Variants in SHISA9 observed in about 807,000 individuals in gnomAD.
The protein encoded by SHISA9 is shisa family member 9, also known as protein shisa-9.
In SHISA9, 13 loss-of-function variants were observed where a neutral mutation model predicts 38.0. The ratio of observed to expected loss-of-function variants is 0.34; its 90% CI spans 0.22 to 0.54. The LOEUF is 0.54. Among genes scored for constraint, SHISA9 ranks in the 20% least tolerant of loss-of-function variants. The probability of loss-of-function intolerance (pLI) is 0.91; values close to 1 mark genes in which losing one functional copy is unlikely to be tolerated. For missense variants in SHISA9, 538 were observed against 575.8 expected, an observed-to-expected ratio of 0.93 and a Z score of 0.67; for synonymous variants, 275 against 242.0, an observed-to-expected ratio of 1.14 and a Z score of -1.27.
At chr16:12,982,602 A>G (rs773315228) in intron 2 of SHISA9, among the ~76,000 whole-genome samples, 1 of 152,080 alleles carries the variant, frequency 6.6e-6, no homozygotes. Context: ...GGTCAGGCCA[A>G]CTCATCATTC....
chr16:13,285,818 A>T, the SHISA9 span, among the ~76,000 whole-genome samples: 1 of 152,106 alleles, frequency 6.6e-6, no homozygotes, highest in African/African-American at 2.4e-5. Context: ...CAATCTCTTC[A>T]GGCTGATTTT....
intron 2 of SHISA9, among the ~76,000 whole-genome samples, chr16:13,161,304 C>A (rs777181304): frequency 3.3e-5 from 5 of 152,094 alleles, no homozygotes; most frequent in Admixed American, 6.6e-5. Context: ...ATCTTTCCCC[C>A]CTGCTTGGGT....
At chr16:13,425,159 C>T in the SHISA9 span, among the ~76,000 whole-genome samples, 3 of 152,196 alleles carry the variant, frequency 2.0e-5, no homozygotes, top group Non-Finnish European at 4.4e-5. Context: ...AATTGGTATA[C>T]ATGGGCATAA....
the SHISA9 span, among the ~76,000 whole-genome samples, chr16:13,312,583 C>T: frequency 6.6e-6 from 1 of 152,172 alleles, no homozygotes. Context: ...CTGGACATCC[C>T]TTCAAAAGAA....
the SHISA9 span, among the ~76,000 whole-genome samples, chr16:13,279,601 T>G: frequency 2.6e-5 from 4 of 151,950 alleles, no homozygotes; most frequent in Non-Finnish European, 5.9e-5. Flanking sequence ...GCCTTAATTA[T>G]TTGAAAATAA....
rs114171592 is a variant in SHISA9 at position 13,110,417 on chromosome 16, G to A, written c.692-92977G>A. Among the ~76,000 whole-genome samples the A allele has an allele frequency of 4.3e-3, 661 of 152,330 alleles. 4 individuals are homozygous for A. The highest frequency in any genetic ancestry group is 0.015 in the African/African-American group (621 of 41,568). ...GCTGAAAAGGGCTTTTCATGCAAGAGACGAAAAGAGGAATGTCATGCTGGA... is the reference window on the plus strand; with the variant it reads ...GCTGAAAAGGGCTTTTCATGCAAGAAACGAAAAGAGGAATGTCATGCTGGA... On this transcript the variant is annotated intron_variant, in intron 2 of 4. Transcript: ENST00000558583.
the SHISA9 span, among the ~76,000 whole-genome samples, chr16:13,497,929 G>A: frequency 9.9e-5 from 15 of 151,756 alleles, no homozygotes; most frequent in Non-Finnish European, 1.9e-4. Flanking sequence ...GTGCAAATAC[G>A]TGAATAAAAT....
chr16:13,541,540 C>T, the SHISA9 span, among the ~76,000 whole-genome samples: 1 of 152,162 alleles, frequency 6.6e-6, no homozygotes, highest in African/African-American at 2.4e-5. Flanking sequence ...TCAGAATCTC[C>T]ATTTTAGAGT....
chr16:13,446,154 C>T, the SHISA9 span, among the ~76,000 whole-genome samples: 3 of 151,948 alleles, frequency 2.0e-5, no homozygotes, highest in Non-Finnish European at 2.9e-5. Context: ...CCCATGCTGG[C>T]CAGGATGGTC....
chr16:12,975,228 T>C (rs994343348), intron 2 of SHISA9, among the ~76,000 whole-genome samples: 1 of 151,982 alleles, frequency 6.6e-6, no homozygotes, highest in Non-Finnish European at 1.5e-5. Flanking sequence ...AATCAAAGTG[T>C]TGGGGAGGGC....
At chr16:13,400,593 C>T in the SHISA9 span, among the ~76,000 whole-genome samples, 2 of 152,166 alleles carry the variant, frequency 1.3e-5, no homozygotes, top group Non-Finnish European at 2.9e-5. Context: ...CCTTACCTTC[C>T]CAGTGACATC....
intron 2 of SHISA9, among the ~76,000 whole-genome samples, chr16:13,054,389 C>T (rs1358861879): frequency 2.6e-5 from 4 of 152,198 alleles, no homozygotes; most frequent in Admixed American, 6.5e-5. Context: ...CCCATCCATC[C>T]TTTGGTATAG....
the SHISA9 span, among the ~76,000 whole-genome samples, chr16:13,455,685 G>C: frequency 3.7e-4 from 57 of 152,256 alleles, no homozygotes; most frequent in Middle Eastern, 3.4e-3. Flanking sequence ...TATTAATTCG[G>C]TGTGGAGTTT....
At chr16:13,004,405 A>T (rs2072568827) in intron 2 of SHISA9, among the ~76,000 whole-genome samples, 1 of 152,230 alleles carries the variant, frequency 6.6e-6, no homozygotes, top group Non-Finnish European at 1.5e-5. Flanking sequence ...ACAGAAGTGG[A>T]CAGTATCGGT....
chr16:13,545,319 C>T, the SHISA9 span, among the ~76,000 whole-genome samples: 1 of 152,178 alleles, frequency 6.6e-6, no homozygotes, highest in Non-Finnish European at 1.5e-5. Context: ...ATAAGTTTCC[C>T]TTTAAACAAG....
At chr16:13,347,004 C>T in the SHISA9 span, among the ~76,000 whole-genome samples, 2 of 152,112 alleles carry the variant, frequency 1.3e-5, no homozygotes, top group East Asian at 3.8e-4. Flanking sequence ...GCATGTGGAT[C>T]TCTGGTTTTC....
chr16:13,469,387 AAG>A, the SHISA9 span, among the ~76,000 whole-genome samples: 729 of 118,642 alleles, frequency 6.1e-3, 2 homozygotes, highest in African/African-American at 0.013. Context: ...GAAAGAAAGA[AAG>A]AAAGAAAGAA....
chr16:12,969,064 G>A (rs1450266954), intron 2 of SHISA9, among the ~76,000 whole-genome samples: 1 of 151,882 alleles, frequency 6.6e-6, no homozygotes, highest in Non-Finnish European at 1.5e-5. Flanking sequence ...GGCTGAGGCT[G>A]GAGAATCGCT....
the SHISA9 span, among the ~76,000 whole-genome samples, chr16:13,531,467 G>T: frequency 2.9e-4 from 44 of 152,148 alleles, no homozygotes; most frequent in Non-Finnish European, 2.9e-5. Context: ...AGTTCAGAGA[G>T]GTCGAGTAAT....
Sources: gnomAD v4.1 joint callset for allele counts (sites outside exome capture counted in the v4.1 genomes callset) on GRCh38, gnomAD v4.1.1 for gene constraint, MANE v1.5 for transcripts, NCBI Gene and HGNC (gene_info 2026-07-23, HGNC 2026-07-21) for gene names.